The following NTRK2 variants were observed in gnomAD, a reference collection of about 807,000 sequenced individuals.
NTRK2 encodes the protein neurotrophic receptor tyrosine kinase 2, also known as BDNF/NT-3 growth factors receptor.
A neutral mutation model predicts 94.5 loss-of-function variants in NTRK2; 13 were observed. The observed-to-expected ratio is 0.14, with a 90% CI of 0.09 to 0.22. The LOEUF (loss-of-function observed/expected upper bound fraction) is 0.22, where lower values mean the gene tolerates loss of function less well. Ranked by LOEUF, NTRK2 falls within the 10% of genes least tolerant of loss-of-function variation. The pLI, the probability that NTRK2 is intolerant of heterozygous loss-of-function variation, is 1.00. For missense variants in NTRK2, 639 were observed against 1,071.2 expected (o/e 0.60, Z 5.63); for synonymous variants, 372 against 407.4 (o/e 0.91, Z 1.05).
intron 12 of NTRK2, among the ~76,000 whole-genome samples, chr9:84,844,730 T>C (rs1004540588): frequency 2.6e-5 from 4 of 151,892 alleles, no homozygotes; most frequent in African/African-American, 9.7e-5. Flanking sequence ...TTCGTGGCTA[T>C]TGCTATTGGC....
At chr9:84,721,392 G>T (rs1232924848) in intron 6 of NTRK2, among the ~76,000 whole-genome samples, 1 of 152,072 alleles carries the variant, frequency 6.6e-6, no homozygotes, top group Non-Finnish European at 1.5e-5. Context: ...TGTTTAGGCT[G>T]GTCTCCATCT....
intron 17 of NTRK2, among the ~76,000 whole-genome samples, chr9:84,966,999 T>C (rs754682622): frequency 3.9e-5 from 6 of 152,210 alleles, no homozygotes; most frequent in Non-Finnish European, 8.8e-5. Context: ...TGCACAGTCA[T>C]ATCCTACTCT....
intron 3 of NTRK2, 41 bp downstream of exon 3, chr9:84,702,274 TC>T: frequency 6.2e-7 from 1 of 1,611,308 alleles, no homozygotes; most frequent in Non-Finnish European, 8.5e-7. Context: ...CAGAGAATTT[TC>T]CTGTTGTCTG....
intron 2 of NTRK2, among the ~76,000 whole-genome samples, chr9:84,696,249 C>G (rs983541752): frequency 6.6e-6 from 1 of 152,222 alleles, no homozygotes; most frequent in Non-Finnish European, 1.5e-5. Flanking sequence ...CTCAAGCCTC[C>G]TGCCTTGGCC....
intron 14 of NTRK2, among the ~76,000 whole-genome samples, chr9:84,929,043 C>A (rs1466755544): frequency 6.6e-6 from 1 of 152,014 alleles, no homozygotes; most frequent in Non-Finnish European, 1.5e-5. Flanking sequence ...TTTCCTGAGA[C>A]CTTAAATGAA....
intron 17 of NTRK2, among the ~76,000 whole-genome samples, chr9:84,965,730 T>C (rs995101829): frequency 2.2e-4 from 33 of 152,202 alleles, no homozygotes; most frequent in African/African-American, 8.0e-4. Context: ...AGAAAGATTC[T>C]ATAATATTCT....
At chr9:84,940,050 C>A (rs56405896) in intron 15 of NTRK2, among the ~76,000 whole-genome samples, 12,017 of 152,112 alleles carry the variant, frequency 0.079, 913 homozygotes, top group African/African-American at 0.2. Context: ...TGTCACCAGA[C>A]CCTCTGGCCA....
intron 13 of NTRK2, 27 bp from the exon 14 acceptor site, chr9:84,867,216 A>C: frequency 6.2e-7 from 1 of 1,608,910 alleles, no homozygotes; most frequent in Non-Finnish European, 8.5e-7. Flanking sequence ...TGATTACAGG[A>C]GAATATATAT....
chr9:84,957,024 A>G (rs1824221343), intron 17 of NTRK2, among the ~76,000 whole-genome samples: 2 of 152,160 alleles, frequency 1.3e-5, no homozygotes, highest in Non-Finnish European at 2.9e-5. Flanking sequence ...TTTGTTCAAG[A>G]TATTTAAAAC....
At chr9:84,935,598 C>A (rs1279095624) in intron 15 of NTRK2, among the ~76,000 whole-genome samples, 2 of 151,924 alleles carry the variant, frequency 1.3e-5, no homozygotes, top group Admixed American at 1.3e-4. Context: ...CATCATCTCC[C>A]CAAGATGGAC....
intron 12 of NTRK2, chr9:84,811,688 C>T: frequency 9.4e-7 from 1 of 1,065,606 alleles, no homozygotes; most frequent in Middle Eastern, 4.2e-4. Context: ...TGTCCTGACC[C>T]CAGCAGCAAA....
intron 14 of NTRK2, among the ~76,000 whole-genome samples, chr9:84,916,542 C>T (rs1223977086): frequency 6.6e-6 from 1 of 152,170 alleles, no homozygotes; most frequent in African/African-American, 2.4e-5. Flanking sequence ...ATCTGTTTTC[C>T]AGCTCAGGCG....
chr9:84,955,089 C>T lies in NTRK2; in HGVS notation c.1938-194C>T, dbSNP rs3824519. Among the ~76,000 whole-genome samples, 13,748 of 152,224 alleles carry T rather than the reference C, an allele frequency of 0.09. 716 individuals are homozygous for T. The highest frequency in any genetic ancestry group is 0.13 in the African/African-American group (5,372 of 41,514). Reference sequence around the variant, plus strand: ...GGAAACAGAGCAGCCTGGGTGCTCTCAGGACTGCAGAAGTACAACTGTGTG... The same window carrying T: ...GGAAACAGAGCAGCCTGGGTGCTCTTAGGACTGCAGAAGTACAACTGTGTG... On this transcript the variant is annotated intron_variant, in intron 16 of 18. Coordinates refer to ENST00000277120, the MANE Select transcript of NTRK2 (RefSeq NM_006180.6).
chr9:84,857,573 C>A (rs954924962), intron 12 of NTRK2, among the ~76,000 whole-genome samples: 1 of 152,154 alleles, frequency 6.6e-6, no homozygotes, highest in African/African-American at 2.4e-5. Context: ...GAGGTGCCAA[C>A]CTGACCTTTC....
At chr9:84,873,305 G>T (rs72739915) in intron 14 of NTRK2, 27,239 of 1,059,130 alleles carry the variant, frequency 0.026, 407 homozygotes, top group Non-Finnish European at 0.029. Context: ...GAAGGCCATG[G>T]CCTGCACTTT....
intron 9 of NTRK2, among the ~76,000 whole-genome samples, chr9:84,736,956 G>A (rs1342236471): frequency 6.6e-6 from 1 of 152,216 alleles, no homozygotes; most frequent in African/African-American, 2.4e-5. Context: ...ATCCCCCCAT[G>A]AGTGAGAAAA....
rs35363257 is a variant in NTRK2 at position 84,770,153 on chromosome 9, AACACAC to A, written c.1396+18104_1396+18109del. ...TCCCCACTCCTGGCATGTGCATGAG[AACACAC>A]ACACACACACACACACACACACACA... is the stretch of plus-strand genomic sequence containing the variant. On this transcript the variant is annotated intron_variant, in intron 12 of 18. Transcript: ENST00000277120. 3.6e-3 allele frequency among the ~76,000 whole-genome samples: 489 copies of A among 137,040 alleles called. 3 individuals carry two copies. The highest frequency in any genetic ancestry group is 0.015 in the East Asian group (68 of 4,616). The allele number at this position is 137,040 out of a possible 152,430, so 89.9% of individuals were successfully genotyped here.
intron 2 of NTRK2, among the ~76,000 whole-genome samples, chr9:84,693,088 T>C (rs1484200669): frequency 6.6e-6 from 1 of 152,190 alleles, no homozygotes. Flanking sequence ...AACATGGAAA[T>C]TCAAAACTTT....
At chr9:84,813,780 C>T in intron 12 of NTRK2, 4 of 1,065,986 alleles carry the variant, frequency 3.8e-6, no homozygotes, top group Non-Finnish European at 4.5e-6. Flanking sequence ...GCGCTCATGT[C>T]TCTTGGCCCA....
Sources: gnomAD v4.1 joint callset for allele counts (sites outside exome capture counted in the v4.1 genomes callset) on GRCh38, gnomAD v4.1.1 for gene constraint, MANE v1.5 for transcripts, NCBI Gene and HGNC (gene_info 2026-07-23, HGNC 2026-07-21) for gene names.